The following GPC5 variants were observed in gnomAD, a reference collection of about 807,000 sequenced individuals.
GPC5 encodes glypican 5.
GPC5 carries 47 observed loss-of-function variants against 53.9 expected under a neutral mutation model. The ratio of observed to expected loss-of-function variants is 0.87; its 90% CI spans 0.69 to 1.11. The LOEUF is 1.11. Ranked by LOEUF, GPC5 falls within the 50% of genes most tolerant of loss-of-function variation. The pLI, the probability that GPC5 is intolerant of heterozygous loss-of-function variation, is 0.00. For missense variants in GPC5, 748 were observed against 713.1 expected (o/e 1.05, Z -0.56); for synonymous variants, 286 against 263.3 (o/e 1.09, Z -0.84).
chr13:92,257,256 AT>A lies in GPC5; in HGVS notation c.1561+112275del, dbSNP rs200306533. ...TTTAATCTTGAGTAATTGAAATGTG[AT>A]TTTTTTTCTTCTAATCAAACAAAGC... On this transcript the variant is annotated intron_variant, in intron 7 of 7. Coordinates refer to ENST00000377067, the MANE Select transcript of GPC5 (RefSeq NM_004466.6). Among the ~76,000 whole-genome samples, 762 of 152,020 alleles carry A rather than the reference AT, an allele frequency of 5.0e-3. 10 individuals carry two copies. Among genetic ancestry groups the A allele is most frequent in the South Asian group, 0.04 (191 of 4,818 alleles).
chr13:92,859,326 A>G (rs1001208851), intron 7 of GPC5, among the ~76,000 whole-genome samples: 2 of 152,104 alleles, frequency 1.3e-5, no homozygotes, highest in Admixed American at 6.6e-5. Flanking sequence ...TTTAAAATTA[A>G]TCTAATGTTT....
intron 7 of GPC5, among the ~76,000 whole-genome samples, chr13:92,192,293 C>T (rs754704057): frequency 6.6e-6 from 1 of 152,104 alleles, no homozygotes; most frequent in Non-Finnish European, 1.5e-5. Flanking sequence ...ATACCACTCT[C>T]GCAGGGGAAA....
intron 5 of GPC5, among the ~76,000 whole-genome samples, chr13:91,827,594 A>T (rs946629557): frequency 1.3e-5 from 2 of 152,042 alleles, no homozygotes; most frequent in African/African-American, 2.4e-5. Context: ...TGGAAATGTA[A>T]ATCAAGACCC....
chr13:92,543,182 T>G (rs781653837), intron 7 of GPC5, among the ~76,000 whole-genome samples: 1 of 152,084 alleles, frequency 6.6e-6, no homozygotes, highest in East Asian at 1.9e-4. Flanking sequence ...AAATTCATTT[T>G]CTCTATTTGT....
At chr13:92,260,460 C>T (rs2042758291) in intron 7 of GPC5, among the ~76,000 whole-genome samples, 1 of 152,192 alleles carries the variant, frequency 6.6e-6, no homozygotes, top group South Asian at 2.1e-4. Context: ...GTTAAGAACA[C>T]TGTTCTGTAG....
At chr13:92,734,622 C>A (rs1888890154) in intron 7 of GPC5, among the ~76,000 whole-genome samples, 1 of 151,788 alleles carries the variant, frequency 6.6e-6, no homozygotes, top group Non-Finnish European at 1.5e-5. Flanking sequence ...TGAAGTTATT[C>A]CCCATTCTCA....
intron 6 of GPC5, among the ~76,000 whole-genome samples, chr13:92,006,254 T>C (rs1363389580): frequency 6.6e-6 from 1 of 152,166 alleles, no homozygotes; most frequent in Non-Finnish European, 1.5e-5. Flanking sequence ...TGGAAAAATG[T>C]ACCAAAATAA....
At chr13:92,654,579 T>G (rs958121442) in intron 7 of GPC5, among the ~76,000 whole-genome samples, 1 of 152,224 alleles carries the variant, frequency 6.6e-6, no homozygotes, top group African/African-American at 2.4e-5. Flanking sequence ...AGTCAGTGAT[T>G]CAGGATCCTG....
At chr13:92,794,804 ATATC>A (rs952935709) in intron 7 of GPC5, among the ~76,000 whole-genome samples, 1 of 152,148 alleles carries the variant, frequency 6.6e-6, no homozygotes, top group African/African-American at 2.4e-5. Flanking sequence ...AGAGAATAAA[ATATC>A]TAGGAATCCA....
At chr13:92,199,819 A>G (rs986885125) in intron 7 of GPC5, among the ~76,000 whole-genome samples, 3 of 151,984 alleles carry the variant, frequency 2.0e-5, no homozygotes, top group Non-Finnish European at 4.4e-5. Context: ...TTTAAACACA[A>G]TTTTTTTTAA....
intron 2 of GPC5, among the ~76,000 whole-genome samples, chr13:91,607,343 G>C (rs1272288187): frequency 6.6e-6 from 1 of 152,092 alleles, no homozygotes; most frequent in Non-Finnish European, 1.5e-5. Flanking sequence ...TTGGGAATTT[G>C]ATAAAATTAT....
intron 2 of GPC5, among the ~76,000 whole-genome samples, chr13:91,499,101 G>C (rs1005922728): frequency 2.6e-5 from 4 of 152,180 alleles, no homozygotes; most frequent in Non-Finnish European, 4.4e-5. Flanking sequence ...TTTGGAGGTA[G>C]AGTTGGGTGG....
intron 2 of GPC5, among the ~76,000 whole-genome samples, chr13:91,579,608 CTTTCTT>C (rs1294918220): frequency 5.8e-5 from 8 of 138,580 alleles, no homozygotes; most frequent in African/African-American, 2.1e-4. Flanking sequence ...ATATTTCTTT[CTTTCTT>C]TTTCTTTTTC....
intron 6 of GPC5, among the ~76,000 whole-genome samples, chr13:92,107,236 G>A (rs2041517323): frequency 6.6e-6 from 1 of 151,818 alleles, no homozygotes; most frequent in African/African-American, 2.4e-5. Context: ...AGTTCAACAA[G>A]ACCCTTCTCT....
chr13:92,670,819 C>A (rs1886721934), intron 7 of GPC5, among the ~76,000 whole-genome samples: 1 of 152,172 alleles, frequency 6.6e-6, no homozygotes, highest in African/African-American at 2.4e-5. Context: ...TTCTGTGTGA[C>A]ATTCTTAAGG....
At chr13:91,977,958 AGAAAGAAAG>A (rs2040320998) in intron 6 of GPC5, among the ~76,000 whole-genome samples, 2 of 36,236 alleles carry the variant, frequency 5.5e-5, no homozygotes, top group African/African-American at 7.8e-5. Context: ...AAAAGAAAAA[AGAAAGAAAG>A]AAAGAAAGAA....
intron 5 of GPC5, among the ~76,000 whole-genome samples, chr13:91,831,456 A>T (rs1054018412): frequency 1.3e-4 from 20 of 152,038 alleles, no homozygotes; most frequent in Non-Finnish European, 2.2e-4. Flanking sequence ...AATACTTTGT[A>T]TCCCTCAATC....
At chr13:92,282,679 G>C (rs1267151569) in intron 7 of GPC5, among the ~76,000 whole-genome samples, 2 of 152,074 alleles carry the variant, frequency 1.3e-5, no homozygotes, top group Non-Finnish European at 2.9e-5. Context: ...ATGCTTTACA[G>C]ACAAGCAAAT....
intron 7 of GPC5, among the ~76,000 whole-genome samples, chr13:92,297,424 G>A (rs1227574059): frequency 2.3e-5 from 3 of 130,874 alleles, no homozygotes; most frequent in African/African-American, 9.0e-5. Context: ...TGGTGAGGAC[G>A]TGGAGAACCT....
Sources: allele counts gnomAD v4.1 joint callset (sites outside exome capture counted in the v4.1 genomes callset), GRCh38; gene constraint gnomAD v4.1.1; transcripts MANE v1.5; gene names NCBI Gene and HGNC (gene_info 2026-07-23, HGNC 2026-07-21).